The following MYO15A variants were observed in gnomAD, a reference collection of about 807,000 sequenced individuals.
The protein encoded by MYO15A is unconventional myosin-XV.
Under a neutral mutation model 394.6 loss-of-function variants are expected in MYO15A, and 308 were observed. The ratio of observed to expected loss-of-function variants is 0.78; its 90% CI spans 0.71 to 0.86. MYO15A has a LOEUF of 0.86. Among genes scored for constraint, MYO15A ranks in the 40% least tolerant of loss-of-function variants. The pLI is 0.00. For synonymous variants in MYO15A, 1,957 were observed against 2,003.8 expected, an observed-to-expected ratio of 0.98 and a Z score of 0.62; for missense variants, 4,606 against 4,799.1, an observed-to-expected ratio of 0.96 and a Z score of 1.19.
At chr17:18,163,200 C>T (rs1224655038) in intron 58 of MYO15A, 44 bp from the exon 59 acceptor site, 2 of 1,591,516 alleles carry the variant, frequency 1.3e-6, no homozygotes, top group East Asian at 2.2e-5. Flanking sequence ...TGTCCCAGAT[C>T]CTAGGACCCA....
intron 1 of MYO15A, 114 bp from the exon 2 acceptor site, chr17:18,118,468 A>G: frequency 2.6e-6 from 1 of 388,852 alleles, no homozygotes; most frequent in Non-Finnish European, 4.8e-6. Context: ...CAGGATGAGC[A>G]CTGATGTTGC....
intron 29 of MYO15A, 103 bp from the exon 30 acceptor site, chr17:18,145,769 C>A: frequency 1.1e-6 from 1 of 942,722 alleles, no homozygotes; most frequent in Non-Finnish European, 1.7e-6. Flanking sequence ...TTTATATGGG[C>A]AGGGGCACAC....
rs986743869 is a variant in MYO15A at position 18,151,614 on chromosome 17, G to A, written c.7787+87G>A. 4.8e-5 allele frequency: 73 copies of A among 1,535,664 alleles called. No homozygotes were observed. The African/African-American group carries it at 7.9e-4, about 17-fold the overall frequency. ...GCCCACCAGCTTACTGGGTTGAAGC[G>A]CCCTGCCCAGCTCCTGTTAGGGAGG... On this transcript the variant is annotated intron_variant, in intron 40 of 65. Transcript: ENST00000647165.
At position 18,122,059 on chromosome 17, in the gene MYO15A, G is replaced by A. The variant is rs768363883; in HGVS notation, c.3259G>A (p.Ala1087Thr). Residue 1087 changes from alanine to threonine, a missense_variant, in exon 2 of 66, where the codon GCC (alanine) becomes ACC (threonine). Coordinates refer to ENST00000647165, the MANE Select transcript of MYO15A (RefSeq NM_016239.4). ...PWHRWGTLPQAAAPLAPIRAP... is the reference protein window; with the variant it reads ...PWHRWGTLPQTAAPLAPIRAP... ...GCACCGCTGGGGAACACTGCCCCAA[G>A]CCGCAGCCCCCTTGGCGCCCATCAG... The A allele has an allele frequency of 9.3e-6, 15 of 1,612,838 alleles. No individual in the cohort carries two copies. In the East Asian group the frequency reaches 2.0e-4, roughly 22 times the overall value.
Position 18,120,755 on chromosome 17 carries a change from G to A in MYO15A, c.1955G>A (p.Arg652Lys), listed in dbSNP as rs2045905857. ...RRPPAPQPAP[R>K]TLSHWSALLS... ...CCGCCCGCGCCACAGCCCGCGCCCA[G>A]GACCCTCTCCCACTGGAGCGCGCTC... The change falls in exon 2 of 66, where the codon AGG becomes AAG. Residue 652 changes from arginine (R) to lysine (K), a missense_variant. Arg to Lys is a conservative substitution (Grantham distance 26, BLOSUM62 2). Coordinates refer to ENST00000647165, the MANE Select transcript of MYO15A (RefSeq NM_016239.4). 2 of 1,453,388 alleles carry A rather than the reference G, an allele frequency of 1.4e-6. No homozygotes were observed. The highest frequency in any genetic ancestry group is 1.3e-5 in the South Asian group (1 of 74,540). 90.0% of individuals were successfully genotyped at this position (1,453,388 alleles called of 1,614,324 possible).
At chr17:18,124,638 C>A in intron 3 of MYO15A, 73 bp downstream of exon 3, 1 of 1,448,684 alleles carries the variant, frequency 6.9e-7, no homozygotes, top group East Asian at 2.3e-5. Context: ...AGAGCAGCTC[C>A]TCCTGCAGTT....
chr17:18,167,093 G>A (rs758703781), intron 61 of MYO15A, among the ~76,000 whole-genome samples: 2 of 152,198 alleles, frequency 1.3e-5, no homozygotes, highest in Non-Finnish European at 2.9e-5. Context: ...TTGTGGCCAC[G>A]TGGTGTCACT....
chr17:18,157,686 C>T (rs542204617), intron 50 of MYO15A, 36 bp from the exon 51 acceptor site: 7 of 1,602,388 alleles, frequency 4.4e-6, no homozygotes, highest in African/African-American at 2.7e-5. Context: ...AAGACAAGAC[C>T]CTCCTGTTTG....
intron 64 of MYO15A, among the ~76,000 whole-genome samples, chr17:18,173,238 T>C (rs1033669977): frequency 6.6e-6 from 1 of 152,158 alleles, no homozygotes; most frequent in Non-Finnish European, 1.5e-5. Context: ...AGGCATTAAC[T>C]CTCTATCACT....
Position 18,120,018 on chromosome 17 carries a change from T to C in MYO15A, c.1218T>C (p.Ala406=), listed in dbSNP as rs375608961. 6.2e-7 allele frequency: 1 copy of C among 1,613,518 alleles called. No individual in the cohort carries two copies. Among genetic ancestry groups the C allele is most frequent in the African/African-American group, 1.3e-5 (1 of 74,916 alleles). ...EVPYFYPEES[A]SAFVYPWVPP... ...CCTATTTTTACCCGGAGGAGTCGGC[T>C]TCGGCCTTTGTGTACCCCTGGGTAC... The change falls in exon 2 of 66, where the codon GCT becomes GCC. Residue 406 remains alanine (A), a synonymous_variant. Coordinates refer to ENST00000647165, the MANE Select transcript of MYO15A (RefSeq NM_016239.4).
At position 18,136,694 on chromosome 17, in the gene MYO15A, C is replaced by G; in HGVS notation, c.4779+8C>G. Reference sequence around the variant, plus strand: ...GACATCTATGGTTTCGAGGTGGGGCCGTGTAGGAGGCTGAGGGGCGGGGGA... The same window carrying G: ...GACATCTATGGTTTCGAGGTGGGGCGGTGTAGGAGGCTGAGGGGCGGGGGA... On this transcript the variant is annotated splice_region_variant and intron_variant, in intron 15 of 65. Coordinates refer to ENST00000647165, the MANE Select transcript of MYO15A (RefSeq NM_016239.4). 1.3e-6 allele frequency: 2 copies of G among 1,594,892 alleles called. No individual in the cohort carries two copies. The highest frequency in any genetic ancestry group is 1.7e-6 in the Non-Finnish European group (2 of 1,173,242).
chr17:18,163,079 G>A (rs2046799185), intron 58 of MYO15A, among the ~76,000 whole-genome samples, 165 bp from the exon 59 acceptor site: 1 of 152,224 alleles, frequency 6.6e-6, no homozygotes, highest in Non-Finnish European at 1.5e-5. Flanking sequence ...CAGGTGCATT[G>A]CACTCAGGGG....
At chr17:18,138,420 T>G (rs758035986) in intron 17 of MYO15A, among the ~76,000 whole-genome samples, 174 bp downstream of exon 17, 8 of 152,194 alleles carry the variant, frequency 5.3e-5, no homozygotes, top group Non-Finnish European at 1.2e-4. Context: ...GATGGGCCGC[T>G]GTGGGTGTTC....
Position 18,119,232 on chromosome 17 carries a change from G to A in MYO15A, c.432G>A (p.Lys144=), listed in dbSNP as rs778408550. 4 of 1,612,486 alleles carry A rather than the reference G, an allele frequency of 2.5e-6. No homozygotes were observed. The highest frequency in any genetic ancestry group is 1.7e-5 in the Admixed American group (1 of 60,028). ...INWLTKKFLL[K]KAEESGSEQA... ...GGCTCACAAAAAAGTTCCTCCTCAA[G>A]AAGGCCGAGGAGTCGGGCAGCGAAC... The change falls in exon 2 of 66, where the codon AAG becomes AAA. Residue 144 remains lysine (K), a synonymous_variant. Transcript: ENST00000647165.
rs754636952 is a variant in MYO15A, at chr17:18,163,719, C to T, written c.9691-23C>T. The T allele has an allele frequency of 2.5e-6, 4 of 1,597,078 alleles. No homozygotes were observed. In the East Asian group the frequency reaches 9.1e-5, roughly 36 times the overall value. On this transcript the variant is annotated intron_variant, in intron 59 of 65. Coordinates refer to ENST00000647165, the MANE Select transcript of MYO15A (RefSeq NM_016239.4). ...AGGTCAAGCCCAACTGGCATGGCCT[C>T]ATCTCTTCCGCCCCACCCCCAGGTG... is the stretch of plus-strand genomic sequence containing the variant.
At chr17:18,177,367 C>A (rs2047028836) in intron 65 of MYO15A, 1 of 152,182 alleles carries the variant, frequency 6.6e-6, no homozygotes, top group Non-Finnish European at 1.5e-5. Flanking sequence ...AGACCTGGGT[C>A]CCTATCCTGC....
chr17:18,124,350 C>T, intron 2 of MYO15A, 133 bp from the exon 3 acceptor site: 2 of 839,032 alleles, frequency 2.4e-6, no homozygotes, highest in African/African-American at 1.7e-5. Context: ...AATGAGGAGA[C>T]CTGCAGGACC....
intron 29 of MYO15A, 97 bp from the exon 30 acceptor site, chr17:18,145,775 C>A (rs2046466794): frequency 8.0e-6 from 8 of 1,003,192 alleles, no homozygotes; most frequent in Admixed American, 5.8e-5. Context: ...TGGGCAGGGG[C>A]ACACATGGGA....
chr17:18,156,476 G>C, intron 48 of MYO15A, 140 bp downstream of exon 48: 1 of 1,027,926 alleles, frequency 9.7e-7, no homozygotes, highest in East Asian at 2.6e-5. Flanking sequence ...CTTCCACTTG[G>C]AATACCCTTT....
Sources: gnomAD v4.1 joint callset for allele counts (sites outside exome capture counted in the v4.1 genomes callset) on GRCh38, gnomAD v4.1.1 for gene constraint, MANE v1.5 for transcripts, NCBI Gene and HGNC (gene_info 2026-07-23, HGNC 2026-07-21) for gene names.